Variants in GMCL1 observed in about 807,000 individuals in gnomAD.
GMCL1 encodes the protein germ cell-less 1, spermatogenesis associated.
In GMCL1, 54 loss-of-function variants were observed where a neutral mutation model predicts 75.5. That is an observed-to-expected ratio of 0.71 (90% confidence interval 0.57 to 0.90). GMCL1 has a LOEUF of 0.90. Among genes scored for constraint, GMCL1 ranks in the 40% least tolerant of loss-of-function variants. The pLI, the probability that GMCL1 is intolerant of heterozygous loss-of-function variation, is 0.00. For missense variants in GMCL1, 537 were observed against 622.7 expected (o/e 0.86, Z 1.47); for synonymous variants, 210 against 209.6 (o/e 1.00, Z -0.02).
chr2:69,853,679 T>C (rs1411964306), intron 8 of GMCL1, among the ~76,000 whole-genome samples: 1 of 152,206 alleles, frequency 6.6e-6, no homozygotes, highest in Non-Finnish European at 1.5e-5. Context: ...TAGCAGTAAC[T>C]CTAAACCTTT....
At chr2:69,853,776 A>C in intron 8 of GMCL1, among the ~76,000 whole-genome samples, 1 of 151,940 alleles carries the variant, frequency 6.6e-6, no homozygotes, top group Admixed American at 6.6e-5. Flanking sequence ...AAAAAAAATT[A>C]TATACTTCAT....
Position 69,837,549 on chromosome 2 carries a change from A to G in GMCL1, c.263A>G (p.Lys88Arg). 1.9e-6 allele frequency: 3 copies of G among 1,538,954 alleles called. No individual in the cohort carries two copies. Among genetic ancestry groups the G allele is most frequent in the Non-Finnish European group, 2.6e-6 (3 of 1,142,282 alleles). Residue 88 changes from lysine to arginine, a missense_variant and splice_region_variant, in exon 2 of 14, where the codon AAA becomes AGA. Coordinates refer to ENST00000282570, the MANE Select transcript of GMCL1 (RefSeq NM_178439.5). Reference sequence around the variant, plus strand: ...GACTTTTTCATTTCTTTTAACAGGAAAAAATTAAAGAGTACATCTAAATAT... The same window carrying G: ...GACTTTTTCATTTCTTTTAACAGGAGAAAATTAAAGAGTACATCTAAATAT... ...QQRLLNTPRRKKLKSTSKYIY... is the reference protein window; with the variant it reads ...QQRLLNTPRRRKLKSTSKYIY...
chr2:69,852,648 C>T (rs1341691941), intron 8 of GMCL1, among the ~76,000 whole-genome samples: 1 of 151,964 alleles, frequency 6.6e-6, no homozygotes, highest in Non-Finnish European at 1.5e-5. Flanking sequence ...AAGCAATTCT[C>T]CTGCCTCAGC....
At chr2:69,844,463 C>T (rs1184007975) in intron 6 of GMCL1, 1 of 238,896 alleles carries the variant, frequency 4.2e-6, no homozygotes, top group African/African-American at 2.3e-5. Context: ...CAGGTTTTGC[C>T]AGGCTGTTAG....
intron 6 of GMCL1, among the ~76,000 whole-genome samples, chr2:69,845,124 T>C (rs1411568886): frequency 6.6e-6 from 1 of 152,120 alleles, no homozygotes; most frequent in Non-Finnish European, 1.5e-5. Context: ...CAATCTTCCT[T>C]TAAAAAAAAC....
intron 1 of GMCL1, among the ~76,000 whole-genome samples, chr2:69,834,231 T>C (rs1674754595): frequency 6.6e-6 from 1 of 152,224 alleles, no homozygotes; most frequent in Non-Finnish European, 1.5e-5. Context: ...AAAAGTCTTT[T>C]GAAACACACT....
intron 9 of GMCL1, among the ~76,000 whole-genome samples, chr2:69,858,835 ATTG>A (rs1249842375): frequency 6.6e-6 from 1 of 152,222 alleles, no homozygotes; most frequent in African/African-American, 2.4e-5. Context: ...TTATGCAAAA[ATTG>A]TTGGAATTTA....
chr2:69,865,924 C>T (rs1184957106), intron 11 of GMCL1, among the ~76,000 whole-genome samples: 2 of 152,088 alleles, frequency 1.3e-5, no homozygotes, highest in Non-Finnish European at 2.9e-5. Context: ...CATGAGCCAC[C>T]ATGCCCAGCC....
At chr2:69,838,983 C>T (rs1016549069) in intron 2 of GMCL1, among the ~76,000 whole-genome samples, 1 of 152,124 alleles carries the variant, frequency 6.6e-6, no homozygotes, top group Admixed American at 6.5e-5. Flanking sequence ...TGGCAGATAC[C>T]TAAAGACTTC....
At chr2:69,850,203 C>A (rs993328456) in intron 8 of GMCL1, among the ~76,000 whole-genome samples, 104 of 152,132 alleles carry the variant, frequency 6.8e-4, no homozygotes, top group Non-Finnish European at 1.2e-3. Context: ...GTGTGTGCTG[C>A]TGCATACATT....
chr2:69,854,293 G>C (rs868593041), intron 8 of GMCL1, among the ~76,000 whole-genome samples: 2 of 152,100 alleles, frequency 1.3e-5, no homozygotes, highest in African/African-American at 4.8e-5. Flanking sequence ...GGGATCACAG[G>C]CGTGAGCCAC....
Position 69,879,120 on chromosome 2 carries a change from C to G in GMCL1, c.*116C>G. ...TTAATGGCCCTACTGATATTCACAT[C>G]GAAGGTGACTAACAATGACAAAGGC... On this transcript the variant is annotated 3_prime_UTR_variant, in exon 14 of 14. Coordinates refer to ENST00000282570, the MANE Select transcript of GMCL1 (RefSeq NM_178439.5). The G allele has an allele frequency of 1.5e-6, 1 of 645,510 alleles. No individual in the cohort carries two copies. The highest frequency in any genetic ancestry group is 2.8e-6 in the Non-Finnish European group (1 of 359,324). 40.0% of individuals were successfully genotyped at this position (645,510 alleles called of 1,614,324 possible). A position where few individuals can be genotyped will look rare whatever the true frequency, so the allele number is the denominator to read the frequency against.
intron 13 of GMCL1, 117 bp from the exon 14 acceptor site, chr2:69,878,792 T>C (rs1676198114): frequency 1.3e-6 from 1 of 744,884 alleles, no homozygotes; most frequent in Non-Finnish European, 2.4e-6. Context: ...GTTTGGAGAG[T>C]GGAGTTGTGG....
chr2:69,862,950 A>G (rs902833007), intron 10 of GMCL1, among the ~76,000 whole-genome samples: 1 of 152,242 alleles, frequency 6.6e-6, no homozygotes, highest in East Asian at 1.9e-4. Context: ...TGTATATTCA[A>G]TTTTTAAATT....
chr2:69,853,635 A>C (rs1675382560), intron 8 of GMCL1, among the ~76,000 whole-genome samples: 1 of 152,184 alleles, frequency 6.6e-6, no homozygotes, highest in African/African-American at 2.4e-5. Flanking sequence ...AACAGAAAAC[A>C]TAGACTAGGG....
At position 69,854,944 on chromosome 2, in the gene GMCL1, T is replaced by C. The variant is rs1212768518; in HGVS notation, c.1056T>C (p.Asp352=). 6.2e-7 allele frequency: 1 copy of C among 1,607,090 alleles called. No individual in the cohort carries two copies. The highest frequency in any genetic ancestry group is 1.1e-5 in the South Asian group (1 of 89,874). Reference sequence around the variant, plus strand: ...CTTCTGCAAGAATTATTGAACAAGATGCTGTAGTACCTTCAGGTAAGAGAA... The same window carrying C: ...CTTCTGCAAGAATTATTGAACAAGACGCTGTAGTACCTTCAGGTAAGAGAA... ...DLASARIIEQ[D]AVVPSEWLSS... is the part of the protein sequence containing the mutation. Residue 352 remains aspartate, a synonymous_variant, in exon 9 of 14, where the codon GAT becomes GAC. Transcript: ENST00000282570.
At chr2:69,871,204 A>G (rs879755539) in intron 12 of GMCL1, among the ~76,000 whole-genome samples, 2 of 152,198 alleles carry the variant, frequency 1.3e-5, no homozygotes, top group Non-Finnish European at 2.9e-5. Context: ...AAAGGAAGCA[A>G]ATTCTCATAC....
rs567767613 is a variant in GMCL1, at chr2:69,878,832, G to T, written c.1453-77G>T. 20 of 950,714 alleles carry T rather than the reference G, an allele frequency of 2.1e-5. No individual in the cohort carries two copies. The African/African-American group carries it at 2.9e-4, about 14-fold the overall frequency. 58.9% of individuals were successfully genotyped at this position (950,714 alleles called of 1,614,324 possible). ...CAGACTCAGGACACTATCTCCTTTGGTTCACTCAGTTCAACAGTTTGGTTT... is the reference window on the plus strand; with the variant it reads ...CAGACTCAGGACACTATCTCCTTTGTTTCACTCAGTTCAACAGTTTGGTTT... On this transcript the variant is annotated intron_variant, in intron 13 of 13. Coordinates refer to ENST00000282570, the MANE Select transcript of GMCL1 (RefSeq NM_178439.5).
chr2:69,829,703 G>C lies in GMCL1; in HGVS notation c.-190G>C. On this transcript the variant is annotated 5_prime_UTR_variant, in exon 1 of 14. Transcript: ENST00000282570. ...GGGGGCGAGGTGCTGCGGTGCTAGA[G>C]CGCGGCGCGACCGGACGCTGCGGGC... 7 of 633,044 alleles carry C rather than the reference G, an allele frequency of 1.1e-5. No individual in the cohort carries two copies. In the South Asian group the frequency reaches 1.4e-4, roughly 13 times the overall value. The allele number at this position is 633,044 out of a possible 1,614,324, so 39.2% of individuals were successfully genotyped here.
Sources: allele counts gnomAD v4.1 joint callset (sites outside exome capture counted in the v4.1 genomes callset), GRCh38; gene constraint gnomAD v4.1.1; transcripts MANE v1.5; gene names NCBI Gene and HGNC (gene_info 2026-07-23, HGNC 2026-07-21).